MPDZ: variants seen among roughly 807,000 people sequenced by gnomAD.
MPDZ encodes multiple PDZ domain crumbs cell polarity complex component, also known as multiple PDZ domain protein.
A neutral mutation model predicts 239.1 loss-of-function variants in MPDZ; 234 were observed. That is an observed-to-expected ratio of 0.98 (90% confidence interval 0.88 to 1.09). The LOEUF is 1.09. Ranked by LOEUF, MPDZ falls within the 50% of genes least tolerant of loss-of-function variation. The pLI is 0.00. For missense variants in MPDZ, 3,175 were observed against 2,510.0 expected (o/e 1.26, Z -5.66); for synonymous variants, 1,048 against 881.3 (o/e 1.19, Z -3.35).
At chr9:13,265,125 C>T (rs1027180797) in intron 1 of MPDZ, among the ~76,000 whole-genome samples, 3 of 152,212 alleles carry the variant, frequency 2.0e-5, no homozygotes, top group Non-Finnish European at 4.4e-5. Flanking sequence ...AAATCTAAAA[C>T]ATGCAGAAGA....
chr9:13,130,459 A>ACG (rs397748373), intron 32 of MPDZ, among the ~76,000 whole-genome samples: 3 of 151,120 alleles, frequency 2.0e-5, no homozygotes, highest in Admixed American at 1.3e-4. Flanking sequence ...AGATACTTAC[A>ACG]GTCTGAACTA....
At chr9:13,262,667 A>C (rs1970962603) in intron 1 of MPDZ, among the ~76,000 whole-genome samples, 1 of 152,054 alleles carries the variant, frequency 6.6e-6, no homozygotes, top group South Asian at 2.1e-4. Flanking sequence ...TAGGAATGAG[A>C]AAAAAAGGAA....
chr9:13,153,441 G>GTTTGTT (rs1408427080), intron 24 of MPDZ, among the ~76,000 whole-genome samples: 3 of 151,974 alleles, frequency 2.0e-5, no homozygotes, highest in Non-Finnish European at 2.9e-5. Flanking sequence ...CCCTATTTTT[G>GTTTGTT]TTTGTTTTTG....
chr9:13,157,813 A>C (rs761192886), intron 24 of MPDZ, among the ~76,000 whole-genome samples: 1 of 152,204 alleles, frequency 6.6e-6, no homozygotes, highest in Non-Finnish European at 1.5e-5. Flanking sequence ...TATGTGCCAG[A>C]TATCTCCATA....
At chr9:13,131,440 G>A (rs771064556) in intron 32 of MPDZ, among the ~76,000 whole-genome samples, 4 of 152,106 alleles carry the variant, frequency 2.6e-5, no homozygotes, top group Admixed American at 1.3e-4. Context: ...ATCTCAGGAG[G>A]AAAGTGAGAC....
intron 14 of MPDZ, 47 bp downstream of exon 14, chr9:13,193,120 T>C: frequency 1.4e-6 from 2 of 1,418,810 alleles, no homozygotes. Flanking sequence ...CCTGCAAGCT[T>C]TTCCATGTCT....
intron 10 of MPDZ, among the ~76,000 whole-genome samples, chr9:13,210,711 T>C (rs1013041962): frequency 6.6e-6 from 1 of 152,016 alleles, no homozygotes; most frequent in African/African-American, 2.4e-5. Flanking sequence ...TCCAAGGGAA[T>C]GATGGGACTC....
At position 13,107,121 on chromosome 9, in the gene MPDZ, A is replaced by C. The variant is rs1164552368; in HGVS notation, c.6067-10T>G. On this transcript the variant is annotated splice_polypyrimidine_tract_variant and intron_variant, in intron 46 of 46. Transcript: ENST00000319217. ...CTTCAGAGGCTGCTCCCTGCAAATT[A>C]TAAAGTAGACTTGTTTATTTCTCAA... 1.3e-6 allele frequency: 2 copies of C among 1,556,384 alleles called. No individual in the cohort carries two copies. Among genetic ancestry groups the C allele is most frequent in the East Asian group, 4.6e-5 (2 of 43,912 alleles).
intron 38 of MPDZ, chr9:13,120,739 A>G (rs1201503425): frequency 6.6e-6 from 1 of 152,226 alleles, no homozygotes; most frequent in Non-Finnish European, 1.5e-5. Flanking sequence ...CTGGTTTGGC[A>G]ATTCTGAAGA....
At chr9:13,165,683 G>T (rs964155690) in intron 22 of MPDZ, among the ~76,000 whole-genome samples, 1 of 152,030 alleles carries the variant, frequency 6.6e-6, no homozygotes, top group African/African-American at 2.4e-5. Context: ...CACACTTTAG[G>T]TTAAGGCAGG....
intron 1 of MPDZ, among the ~76,000 whole-genome samples, chr9:13,264,159 TATACCAAAAAACATGTTCATTAC>T (rs1427381157): frequency 6.6e-6 from 1 of 152,190 alleles, no homozygotes; most frequent in Non-Finnish European, 1.5e-5. Context: ...CAAATGTATT[TATACCAAAAAACATGTTCATTAC>T]ATTTGCTTTG....
intron 19 of MPDZ, among the ~76,000 whole-genome samples, chr9:13,178,999 G>T (rs1399576969): frequency 6.6e-6 from 1 of 151,860 alleles, no homozygotes; most frequent in African/African-American, 2.4e-5. Context: ...GTGAGATATG[G>T]GTCTGTCACT....
intron 1 of MPDZ, among the ~76,000 whole-genome samples, chr9:13,262,939 T>A (rs1265523728): frequency 1.3e-5 from 2 of 152,108 alleles, no homozygotes; most frequent in African/African-American, 4.8e-5. Context: ...AAAGGACACA[T>A]TCTAAAATGA....
Position 13,119,530 on chromosome 9 carries a change from G to A in MPDZ, c.5351C>T (p.Thr1784Ile), listed in dbSNP as rs1944014371. 3 of 1,612,796 alleles carry A rather than the reference G, an allele frequency of 1.9e-6. 1 individual carries two copies. The South Asian group carries it at 3.3e-5, about 18-fold the overall frequency. The change falls in exon 39 of 47, where the codon ACC (threonine) becomes ATC (isoleucine). Residue 1784 changes from threonine to isoleucine, a missense_variant. Transcript: ENST00000319217. ...TAGCAAAGCGGCAACCGCTTCTTGG[G>A]TGGCATTACGAACGTCTTCCCCATT... Reference protein sequence around the residue: ...MVNGEDVRNATQEAVAALLKC... With the variant: ...MVNGEDVRNAIQEAVAALLKC...
At chr9:13,179,993 A>G (rs1409758082) in intron 19 of MPDZ, among the ~76,000 whole-genome samples, 1 of 152,120 alleles carries the variant, frequency 6.6e-6, no homozygotes, top group Non-Finnish European at 1.5e-5. Context: ...TTCTGAGATA[A>G]GGTACACTTC....
intron 1 of MPDZ, among the ~76,000 whole-genome samples, chr9:13,275,897 G>A (rs1974074074): frequency 6.6e-6 from 1 of 151,864 alleles, no homozygotes; most frequent in Admixed American, 6.6e-5. Flanking sequence ...CATTTTCAAG[G>A]GAAAACCACT....
At chr9:13,111,743 T>C (rs1372205734) in intron 43 of MPDZ, among the ~76,000 whole-genome samples, 1 of 152,220 alleles carries the variant, frequency 6.6e-6, no homozygotes, top group African/African-American at 2.4e-5. Flanking sequence ...GAAAATACTT[T>C]CTGTTCTCTT....
intron 8 of MPDZ, among the ~76,000 whole-genome samples, chr9:13,219,218 TCTAA>T (rs1200280194): frequency 3.3e-5 from 5 of 151,904 alleles, no homozygotes; most frequent in Non-Finnish European, 7.4e-5. Context: ...CAGAGAGTCT[TCTAA>T]CTGAGAAAAA....
intron 1 of MPDZ, among the ~76,000 whole-genome samples, chr9:13,278,576 C>G (rs1202356271): frequency 6.6e-6 from 1 of 152,234 alleles, no homozygotes; most frequent in African/African-American, 2.4e-5. Flanking sequence ...CACAAAGCGT[C>G]TCCCAAACAT....
Sources: gnomAD v4.1 joint callset for allele counts (sites outside exome capture counted in the v4.1 genomes callset) on GRCh38, gnomAD v4.1.1 for gene constraint, MANE v1.5 for transcripts, NCBI Gene and HGNC (gene_info 2026-07-23, HGNC 2026-07-21) for gene names.